TRAPPC12: variants seen among roughly 807,000 people sequenced by gnomAD.
The protein encoded by TRAPPC12 is trafficking protein particle complex subunit 12, also known as TPR repeat protein 15.
In TRAPPC12, 61 loss-of-function variants were observed where a neutral mutation model predicts 69.2. That is an observed-to-expected ratio of 0.88 (90% CI 0.72 to 1.09). TRAPPC12 has a LOEUF of 1.09. TRAPPC12 is among the 50% of genes least tolerant of loss of function. TRAPPC12 has a pLI of 0.00. For missense variants in TRAPPC12, 1,101 were observed against 1,016.4 expected (o/e 1.08, Z -1.13); for synonymous variants, 469 against 438.9 (o/e 1.07, Z -0.86).
At chr2:3,447,281 A>G (rs1391216587) in intron 6 of TRAPPC12, among the ~76,000 whole-genome samples, 1 of 152,162 alleles carries the variant, frequency 6.6e-6, no homozygotes, top group Non-Finnish European at 1.5e-5. Context: ...TATTTTTAGT[A>G]GAGACAGGGC....
chr2:3,439,887 A>ATTT lies in TRAPPC12; in HGVS notation c.1418-3882_1418-3880dup, dbSNP rs55915131. Reference sequence around the variant, plus strand: ...AGATGTAAGATCTGTGTCTAGATTCATTTTTTTTTTTTCATGTGGACGTCC... The same window carrying ATTT: ...AGATGTAAGATCTGTGTCTAGATTCATTTTTTTTTTTTTTTCATGTGGACGTCC... On this transcript the variant is annotated intron_variant, in intron 5 of 11. Transcript: ENST00000324266. Among the ~76,000 whole-genome samples, 121 of 146,852 alleles carry ATTT rather than the reference A, an allele frequency of 8.2e-4. 1 individual carries two copies. Among genetic ancestry groups the ATTT allele is most frequent in the Middle Eastern group, 3.5e-3 (1 of 282 alleles).
At chr2:3,420,947 A>G (rs977802800) in intron 3 of TRAPPC12, among the ~76,000 whole-genome samples, 2 of 152,192 alleles carry the variant, frequency 1.3e-5, no homozygotes, top group African/African-American at 4.8e-5. Flanking sequence ...CTTGAGAAAC[A>G]TATTGTTTAA....
intron 6 of TRAPPC12, among the ~76,000 whole-genome samples, chr2:3,447,127 G>A (rs1307309184): frequency 6.6e-6 from 1 of 151,192 alleles, no homozygotes; most frequent in Non-Finnish European, 1.5e-5. Flanking sequence ...TTGAAGCGGA[G>A]TCTCGTTCTG....
At chr2:3,418,916 C>CCATCCT (rs1053524740) in intron 3 of TRAPPC12, among the ~76,000 whole-genome samples, 1 of 152,200 alleles carries the variant, frequency 6.6e-6, no homozygotes, top group Non-Finnish European at 1.5e-5. Flanking sequence ...CTGTGCCACC[C>CCATCCT]CATCCTCACC....
chr2:3,418,235 A>G (rs962665478), intron 3 of TRAPPC12, among the ~76,000 whole-genome samples: 7 of 121,068 alleles, frequency 5.8e-5, no homozygotes, highest in African/African-American at 1.8e-4. Context: ...CACCATCAAT[A>G]TAAATAATAA....
chr2:3,463,643 G>C (rs185373950), intron 8 of TRAPPC12, among the ~76,000 whole-genome samples: 2 of 151,162 alleles, frequency 1.3e-5, no homozygotes, highest in African/African-American at 4.9e-5. Flanking sequence ...GGCTGGCCAC[G>C]GCATCGCCCA....
chr2:3,419,669 A>G (rs1314280081), intron 3 of TRAPPC12, among the ~76,000 whole-genome samples: 2 of 151,714 alleles, frequency 1.3e-5, no homozygotes, highest in Admixed American at 6.6e-5. Context: ...AATCTACAAG[A>G]TAGAGTTTAA....
In TRAPPC12 at chr2:3,478,832, T is replaced by TG. The variant is rs768248502; in HGVS notation, c.1878-13dup. On this transcript the variant is annotated splice_polypyrimidine_tract_variant and intron_variant, in intron 10 of 11. Coordinates refer to ENST00000324266, the MANE Select transcript of TRAPPC12 (RefSeq NM_016030.6). Reference sequence around the variant, plus strand: ...GGCTTTCCCCGCTAACTGCCACCGTTGCTTGTGTTACAGCGCGTTCCTTCA... The same window carrying TG: ...GGCTTTCCCCGCTAACTGCCACCGTTGGCTTGTGTTACAGCGCGTTCCTTCA... The TG allele has an allele frequency of 5.0e-6, 8 of 1,613,534 alleles. No homozygotes were observed. Among genetic ancestry groups the TG allele is most frequent in the Non-Finnish European group, 5.9e-6 (7 of 1,179,726 alleles).
chr2:3,415,906 C>T (rs1006299211), intron 3 of TRAPPC12, among the ~76,000 whole-genome samples: 28 of 151,314 alleles, frequency 1.9e-4, no homozygotes, highest in African/African-American at 6.3e-4. Flanking sequence ...TTAGTAGAGG[C>T]GGGGTTTCAC....
Position 3,421,885 on chromosome 2 carries a change from G to A in TRAPPC12, c.1169G>A (p.Cys390Tyr). ...SFVGLKQLIS[C>Y]RNWRAAVDLC... is the part of the protein sequence containing the mutation. Reference sequence around the variant, plus strand: ...ATGTTCTGCCGTGTCTTGCAGAGCTGCAGAAACTGGAGGGCAGCAGTGGAC... The same window carrying A: ...ATGTTCTGCCGTGTCTTGCAGAGCTACAGAAACTGGAGGGCAGCAGTGGAC... The change falls in exon 4 of 12, where the codon TGC becomes TAC. Residue 390 changes from cysteine to tyrosine, a missense_variant. Transcript: ENST00000324266. The A allele has an allele frequency of 1.2e-6, 2 of 1,613,568 alleles. No individual in the cohort carries two copies. The highest frequency in any genetic ancestry group is 1.7e-6 in the Non-Finnish European group (2 of 1,179,678).
intron 5 of TRAPPC12, among the ~76,000 whole-genome samples, chr2:3,427,521 T>C (rs1663177830): frequency 6.6e-6 from 1 of 152,240 alleles, no homozygotes; most frequent in Non-Finnish European, 1.5e-5. Context: ...CAACACCTGC[T>C]TCTGAATTTA....
In TRAPPC12 at chr2:3,465,373, C is replaced by T. The variant is rs917020905; in HGVS notation, c.1678-224C>T. On this transcript the variant is annotated intron_variant, in intron 8 of 11. Coordinates refer to ENST00000324266, the MANE Select transcript of TRAPPC12 (RefSeq NM_016030.6). ...CCCCCGGTGACAGGCAGGACCCCGC[C>T]GTTGCGATGCGCACAGCTCAGAATC... 4.6e-5 allele frequency among the ~76,000 whole-genome samples: 7 copies of T among 152,276 alleles called. No homozygotes were observed. The East Asian group carries it at 1.2e-3, about 25-fold the overall frequency.
chr2:3,411,218 A>G (rs1179586229), intron 3 of TRAPPC12, among the ~76,000 whole-genome samples: 1 of 152,158 alleles, frequency 6.6e-6, no homozygotes, highest in African/African-American at 2.4e-5. Flanking sequence ...ACTTGTTGTG[A>G]AAATGCTGTA....
Position 3,421,945 on chromosome 2 carries a change from G to A in TRAPPC12, c.1229G>A (p.Gly410Asp), listed in dbSNP as rs547884111. The change falls in exon 4 of 12, where the codon GGC (glycine) becomes GAC (aspartate). Residue 410 changes from glycine to aspartate, a missense_variant. Transcript: ENST00000324266. ...CGRLLTAHGQ[G>D]YGKSGLLTSH... is the part of the protein sequence containing the mutation. ...CGTCTCCTCACAGCCCACGGCCAGG[G>A]CTACGGCAAGAGCGGGCTGCTCACC... 20 of 1,613,774 alleles carry A rather than the reference G, an allele frequency of 1.2e-5. No homozygotes were observed. In the South Asian group the frequency reaches 2.1e-4, roughly 17 times the overall value.
chr2:3,452,574 G>A (rs892032634), intron 6 of TRAPPC12, among the ~76,000 whole-genome samples: 12 of 152,154 alleles, frequency 7.9e-5, no homozygotes, highest in African/African-American at 1.4e-4. Context: ...GTTGTGAGCC[G>A]CACTTAACCC....
At chr2:3,389,326 A>C (rs1430726402) in intron 2 of TRAPPC12, among the ~76,000 whole-genome samples, 3 of 152,198 alleles carry the variant, frequency 2.0e-5, no homozygotes, top group Non-Finnish European at 2.9e-5. Context: ...GGCCTCGGTG[A>C]CTGTGCTCTC....
chr2:3,387,270 C>T (rs1402124605), intron 1 of TRAPPC12, among the ~76,000 whole-genome samples: 2 of 152,118 alleles, frequency 1.3e-5, no homozygotes, highest in African/African-American at 2.4e-5. Flanking sequence ...GTAAAATCAG[C>T]CAGTCACAGG....
At chr2:3,418,950 C>T (rs1339301662) in intron 3 of TRAPPC12, among the ~76,000 whole-genome samples, 1 of 152,322 alleles carries the variant, frequency 6.6e-6, no homozygotes, top group East Asian at 1.9e-4. Context: ...TCTCCTCATC[C>T]ACACCTGCTC....
intron 8 of TRAPPC12, among the ~76,000 whole-genome samples, chr2:3,462,581 A>G (rs944345828): frequency 6.6e-6 from 1 of 152,274 alleles, no homozygotes; most frequent in Non-Finnish European, 1.5e-5. Flanking sequence ...AATAAATACC[A>G]ATTTAACTTC....
Sources: allele counts gnomAD v4.1 joint callset (sites outside exome capture counted in the v4.1 genomes callset), GRCh38; gene constraint gnomAD v4.1.1; transcripts MANE v1.5; gene names NCBI Gene and HGNC (gene_info 2026-07-23, HGNC 2026-07-21).